The following DCUN1D1 variants were observed in gnomAD, a reference collection of about 807,000 sequenced individuals.
DCUN1D1 encodes the protein DCN1-like protein 1.
Under a neutral mutation model 39.0 loss-of-function variants are expected in DCUN1D1, and 3 were observed. That is an observed-to-expected ratio of 0.08 (90% CI 0.04 to 0.20). The LOEUF is 0.20. DCUN1D1 is among the 10% of genes least tolerant of loss of function. The pLI is 1.00. For missense variants in DCUN1D1, 158 were observed against 302.4 expected (o/e 0.52, Z 3.54); for synonymous variants, 82 against 96.3 (o/e 0.85, Z 0.87).
chr3:182,951,508 C>T lies in DCUN1D1; in HGVS notation c.521-3876G>A, dbSNP rs543243664. On this transcript the variant is annotated intron_variant, in intron 4 of 6. Transcript: ENST00000292782. Reference sequence around the variant, plus strand: ...GTACATGCCTGTAGTCCCAGCTACTCAAGAGGTTGAGGCAGGAAGAGTGAT... The same window carrying T: ...GTACATGCCTGTAGTCCCAGCTACTTAAGAGGTTGAGGCAGGAAGAGTGAT... Among the ~76,000 whole-genome samples the T allele has an allele frequency of 2.5e-4, 37 of 147,670 alleles. 1 individual carries two copies. The South Asian group carries it at 4.3e-3, about 17-fold the overall frequency.
At chr3:182,972,765 G>T (rs1316644547) in intron 1 of DCUN1D1, among the ~76,000 whole-genome samples, 6 of 152,180 alleles carry the variant, frequency 3.9e-5, no homozygotes, top group Non-Finnish European at 7.3e-5. Context: ...AAGAGGCTGG[G>T]CGCAGTGGCT....
rs1486792486 is a variant in DCUN1D1 at position 182,940,573 on chromosome 3, T to C, written c.*4521A>G. 6.6e-6 allele frequency: 1 copy of C among 152,146 alleles called. No homozygotes were observed. The highest frequency in any genetic ancestry group is 1.5e-5 in the Non-Finnish European group (1 of 68,020). 9.4% of individuals were successfully genotyped at this position (152,146 alleles called of 1,614,324 possible). A position where few individuals can be genotyped will look rare whatever the true frequency, so the allele number is the denominator to read the frequency against. On this transcript the variant is annotated 3_prime_UTR_variant, in exon 7 of 7. Transcript: ENST00000292782. ...AATCATTAAAAAAAATTTTTTTAACTGAGTATTTTTCCCCAAACCAAATCG... is the reference window on the plus strand; with the variant it reads ...AATCATTAAAAAAAATTTTTTTAACCGAGTATTTTTCCCCAAACCAAATCG...
intron 1 of DCUN1D1, among the ~76,000 whole-genome samples, chr3:182,972,050 GTTTTTTTTTT>G (rs397877483): frequency 0.014 from 1,541 of 108,882 alleles, 32 homozygotes; most frequent in African/African-American, 0.048. Context: ...TCTATTTAGG[GTTTTTTTTTT>G]TTTTTTTTTT....
At chr3:182,965,430 G>C (rs1727621707) in intron 2 of DCUN1D1, 107 bp downstream of exon 2, 2 of 656,742 alleles carry the variant, frequency 3.0e-6, no homozygotes, top group Non-Finnish European at 2.6e-6. Context: ...ACCTCTATTG[G>C]ACACATCCAC....
intron 1 of DCUN1D1, among the ~76,000 whole-genome samples, chr3:182,978,214 A>G (rs751854883): frequency 4.6e-5 from 7 of 152,178 alleles, no homozygotes; most frequent in African/African-American, 7.2e-5. Flanking sequence ...AGAACTGACA[A>G]TAACATGTGC....
chr3:182,951,778 C>A (rs1444963675), intron 4 of DCUN1D1, among the ~76,000 whole-genome samples: 2 of 150,054 alleles, frequency 1.3e-5, no homozygotes, highest in Admixed American at 6.6e-5. Flanking sequence ...CTCACCACAA[C>A]CTCCGCCTCC....
chr3:182,979,767 G>A (rs181798335), intron 1 of DCUN1D1, among the ~76,000 whole-genome samples: 1 of 152,220 alleles, frequency 6.6e-6, no homozygotes, highest in African/African-American at 2.4e-5. Flanking sequence ...TTTATGAAAT[G>A]AGAACAGGTT....
chr3:182,968,860 A>T (rs1373126449), intron 1 of DCUN1D1, among the ~76,000 whole-genome samples: 1 of 152,188 alleles, frequency 6.6e-6, no homozygotes, highest in East Asian at 1.9e-4. Context: ...TCAGCCTCCC[A>T]AAGTTCTGGG....
chr3:182,980,395 GGTCGCCGC>G (rs1451168879), intron 1 of DCUN1D1, 84 bp downstream of exon 1: 1 of 940,360 alleles, frequency 1.1e-6, no homozygotes, highest in African/African-American at 1.8e-5. Context: ...GGGGCTGCAG[GGTCGCCGC>G]GGGACGGAGG....
At chr3:182,970,223 C>T (rs1433677590) in intron 1 of DCUN1D1, among the ~76,000 whole-genome samples, 2 of 151,934 alleles carry the variant, frequency 1.3e-5, no homozygotes, top group South Asian at 2.1e-4. Context: ...ATGATAGCGC[C>T]GCTGCACTAC....
At position 182,976,444 on chromosome 3, in the gene DCUN1D1, T is replaced by TACACACAC. The variant is rs59465164; in HGVS notation, c.3+4035_3+4042dup. Among the ~76,000 whole-genome samples the TACACACAC allele has an allele frequency of 4.4e-3, 622 of 140,732 alleles. 2 individuals carry two copies. The highest frequency in any genetic ancestry group is 4.7e-3 in the Non-Finnish European group (308 of 65,106). 92.3% of individuals were successfully genotyped at this position (140,732 alleles called of 152,430 possible). ...ATATACACATGTACATATACATACA[T>TACACACAC]ACACACACACACACACACACACACA... On this transcript the variant is annotated intron_variant, in intron 1 of 6. Transcript: ENST00000292782.
chr3:182,947,408 A>T, intron 5 of DCUN1D1, 74 bp from the exon 6 acceptor site: 1 of 1,196,892 alleles, frequency 8.4e-7, no homozygotes, highest in South Asian at 1.4e-5. Context: ...GGACAATTTG[A>T]AATACAAGAA....
rs1421815328 is a variant in DCUN1D1 at position 182,944,115 on chromosome 3, G to A, written c.*979C>T. ...CTGCAACTATCTTCTTATAAATTAA[G>A]AGAATTCCATTTGTGTTCCATAGTG... On this transcript the variant is annotated 3_prime_UTR_variant, in exon 7 of 7. Coordinates refer to ENST00000292782, the MANE Select transcript of DCUN1D1 (RefSeq NM_020640.4). 1 of 152,354 alleles carries A rather than the reference G, an allele frequency of 6.6e-6. No homozygotes were observed. The highest frequency in any genetic ancestry group is 2.4e-5 in the African/African-American group (1 of 41,338). 9.4% of individuals were successfully genotyped at this position (152,354 alleles called of 1,614,324 possible). A position where few individuals can be genotyped will look rare whatever the true frequency, so the allele number is the denominator to read the frequency against.
chr3:182,956,299 G>A (rs1298723630), intron 4 of DCUN1D1: 3 of 270,728 alleles, frequency 1.1e-5, no homozygotes, highest in African/African-American at 2.3e-5. Context: ...TGCCTTTCTG[G>A]GAGCTCATCA....
At chr3:182,981,832 C>T (rs1429771133), upstream of DCUN1D1, among the ~76,000 whole-genome samples, 1 of 152,212 alleles carries the variant, frequency 6.6e-6, no homozygotes, top group African/African-American at 2.4e-5. Context: ...AGGTTTCTGG[C>T]GGCCACAAAC....
At chr3:182,947,199 C>G in intron 6 of DCUN1D1, 39 bp downstream of exon 6, 1 of 1,113,164 alleles carries the variant, frequency 9.0e-7, no homozygotes, top group Non-Finnish European at 1.3e-6. Context: ...GATAAAAAGG[C>G]ACATTAAAAA....
intron 1 of DCUN1D1, among the ~76,000 whole-genome samples, chr3:182,969,356 A>G (rs1727824292): frequency 1.3e-5 from 2 of 152,214 alleles, no homozygotes; most frequent in Admixed American, 1.3e-4. Context: ...TTAAATTTTT[A>G]TCAACACAAG....
chr3:182,952,290 C>G (rs1454418076), intron 4 of DCUN1D1, among the ~76,000 whole-genome samples: 2 of 152,194 alleles, frequency 1.3e-5, no homozygotes, highest in Non-Finnish European at 2.9e-5. Context: ...TGGGGCTCCT[C>G]TTCCTCCATT....
chr3:182,968,105 C>T (rs1176434932), intron 1 of DCUN1D1, among the ~76,000 whole-genome samples: 1 of 152,118 alleles, frequency 6.6e-6, no homozygotes, highest in Non-Finnish European at 1.5e-5. Context: ...GACAGGGTCT[C>T]GCTATGTTGC....
Sources: allele counts gnomAD v4.1 joint callset (sites outside exome capture counted in the v4.1 genomes callset), GRCh38; gene constraint gnomAD v4.1.1; transcripts MANE v1.5; gene names NCBI Gene and HGNC (gene_info 2026-07-23, HGNC 2026-07-21).